The following PTPRS variants were observed in gnomAD, a reference collection of about 807,000 sequenced individuals.
The protein encoded by PTPRS is receptor-type tyrosine-protein phosphatase S.
PTPRS carries 63 observed loss-of-function variants against 215.3 expected under a neutral mutation model. That is an observed-to-expected ratio of 0.29 (90% CI 0.24 to 0.36). The LOEUF is 0.36. Among genes scored for constraint, PTPRS ranks in the 10% least tolerant of loss-of-function variants. The probability of loss-of-function intolerance (pLI) is 1.00; values close to 1 mark genes in which losing one functional copy is unlikely to be tolerated. For missense variants in PTPRS, 2,258 were observed against 2,825.8 expected (o/e 0.80, Z 4.56); for synonymous variants, 1,404 against 1,191.4 (o/e 1.18, Z -3.68).
At chr19:5,318,678 G>A (rs1393404172) in intron 1 of PTPRS, among the ~76,000 whole-genome samples, 1 of 152,038 alleles carries the variant, frequency 6.6e-6, no homozygotes, top group Non-Finnish European at 1.5e-5. Context: ...TGAAAGACAG[G>A]GTCTCGCTCT....
chr19:5,224,954 G>A lies in PTPRS; in HGVS notation c.2494+773C>T, dbSNP rs1398504621. 2.6e-5 allele frequency among the ~76,000 whole-genome samples: 4 copies of A among 152,104 alleles called. 1 individual carries two copies. ...ACTGGGATGAAGGCCACAGAAGTCA[G>A]TCGATTGTTCCTGAAACACCCGAGC... On this transcript the variant is annotated intron_variant, in intron 17 of 37. Coordinates refer to ENST00000262963, the MANE Select transcript of PTPRS (RefSeq NM_002850.4).
chr19:5,215,887 A>G (rs1422756693), intron 26 of PTPRS, among the ~76,000 whole-genome samples: 3 of 152,048 alleles, frequency 2.0e-5, no homozygotes, highest in Non-Finnish European at 4.4e-5. Context: ...TTTCCTTCCA[A>G]CCAAGCTGGG....
At chr19:5,207,815 C>G in intron 37 of PTPRS, 107 bp downstream of exon 37, 1 of 1,504,292 alleles carries the variant, frequency 6.6e-7, no homozygotes, top group Non-Finnish European at 9.0e-7. Context: ...CCACAGTGAC[C>G]CAGAGAGTCC....
rs201545244 is a variant in PTPRS at position 5,222,216 on chromosome 19, C to A, written c.3108G>T (p.Ser1036=). The change falls in exon 19 of 38, where the codon TCG becomes TCT. Residue 1036 remains serine, a synonymous_variant. Coordinates refer to ENST00000262963, the MANE Select transcript of PTPRS (RefSeq NM_002850.4). ...RYRTFLRDQV[S]PKNFKVKMIM... The stretch of plus-strand genomic sequence containing the variant: ...TCATTTTCACCTTGAAGTTCTTGGG[C>A]GAGACTGCCGGGGAGGCGGCCGAGC... 8 of 1,613,354 alleles carry A rather than the reference C, an allele frequency of 5.0e-6. No individual in the cohort carries two copies. The African/African-American group carries it at 9.3e-5, about 19-fold the overall frequency.
At chr19:5,326,794 G>T (rs1254412196) in intron 1 of PTPRS, among the ~76,000 whole-genome samples, 1 of 11,976 alleles carries the variant, frequency 8.4e-5, no homozygotes, top group African/African-American at 2.7e-3. Flanking sequence ...AAGGAAGGAG[G>T]GAGGGAGGGA....
At chr19:5,302,681 T>C (rs2049338430) in intron 1 of PTPRS, among the ~76,000 whole-genome samples, 1 of 152,100 alleles carries the variant, frequency 6.6e-6, no homozygotes, top group Non-Finnish European at 1.5e-5. Context: ...ATTGCTGGTG[T>C]GTGCAGCTCT....
chr19:5,292,777 C>A (rs2048931784), intron 1 of PTPRS: 1 of 152,334 alleles, frequency 6.6e-6, no homozygotes, highest in Non-Finnish European at 1.5e-5. Flanking sequence ...CTGCGAAGTC[C>A]CCAGTCACAG....
Position 5,244,567 on chromosome 19 carries a change from C to T in PTPRS, c.989-85G>A. ...TGTGTGACTTTTCACCATTCAGTCG[C>T]CTTCTCTGAGCCTTGATTTGCCCAG... On this transcript the variant is annotated intron_variant, in intron 10 of 37. Transcript: ENST00000262963. This position sits in a 1 kb window ranked among gnomAD's most constrained non-coding sequence, Gnocchi z 7.2. The T allele has an allele frequency of 1.8e-6, 2 of 1,130,078 alleles. No homozygotes were observed. The highest frequency in any genetic ancestry group is 1.3e-6 in the Non-Finnish European group (1 of 791,014). The allele number at this position is 1,130,078 out of a possible 1,614,324, so 70.0% of individuals were successfully genotyped here. A position where few individuals can be genotyped will look rare whatever the true frequency, so the allele number is the denominator to read the frequency against.
chr19:5,240,203 C>A lies in PTPRS; in HGVS notation c.1700G>T (p.Arg567Leu). The A allele has an allele frequency of 6.5e-7, 1 of 1,542,596 alleles. No homozygotes were observed. The highest frequency in any genetic ancestry group is 8.7e-7 in the Non-Finnish European group (1 of 1,143,638). Residue 567 changes from arginine (R) to leucine (L), a missense_variant, in exon 12 of 38, where the codon CGG (arginine) becomes CTG (leucine). Around this residue, in one of 6 missense-constraint regions of PTPRS, gnomAD observed 371 missense variants for 446.7 expected, o/e 0.83. Transcript: ENST00000262963. ...CCCGTCCCCGCGCTGCCTCACCTCC[C>A]GGCCATGGTCGCCTTCCCGGAAGAG... ...ELLFREGDHG[R>L]EVGRTFDPTT...
At chr19:5,229,168 G>C (rs2042781482) in intron 16 of PTPRS, 148 bp downstream of exon 16, 1 of 928,902 alleles carries the variant, frequency 1.1e-6, no homozygotes, top group Non-Finnish European at 1.4e-6. Flanking sequence ...GGCGCTCCAA[G>C]AGGTAATGGG....
intron 11 of PTPRS, 137 bp downstream of exon 11, chr19:5,243,764 A>T (rs1456845131): frequency 5.7e-6 from 5 of 869,782 alleles, no homozygotes; most frequent in Non-Finnish European, 8.2e-6. Context: ...AAACCACCAC[A>T]CCCGGCCTAA....
chr19:5,222,852 C>T lies in PTPRS; in HGVS notation c.2940G>A (p.Glu980=), dbSNP rs1232851678. The change falls in exon 18 of 38, where the codon GAG becomes GAA. Residue 980 remains glutamate, a synonymous_variant. Transcript: ENST00000262963. ...GCTCAGCCGCTGCCGGCAGCTCAGT[C>T]TCTCGGGCAGGGCCCAGGGCACCGG... ...REAGALGPAR[E]TELPAAAEPG... The T allele has an allele frequency of 6.3e-7, 1 of 1,592,546 alleles. No homozygotes were observed. Among genetic ancestry groups the T allele is most frequent in the Admixed American group, 1.7e-5 (1 of 59,536 alleles).
chr19:5,260,432 G>A (rs1339468190), intron 7 of PTPRS, among the ~76,000 whole-genome samples: 3 of 152,030 alleles, frequency 2.0e-5, no homozygotes, highest in African/African-American at 7.2e-5. Context: ...CACCTGCCTC[G>A]GCCTCCCACA....
chr19:5,231,162 A>G (rs1446328147), intron 14 of PTPRS, 148 bp downstream of exon 14: 1 of 853,552 alleles, frequency 1.2e-6, no homozygotes, highest in South Asian at 1.8e-5. Flanking sequence ...GGAGCCCCGG[A>G]TTTCTCGGGG....
chr19:5,245,280 G>A (rs557644796), intron 10 of PTPRS, among the ~76,000 whole-genome samples: 10 of 151,560 alleles, frequency 6.6e-5, no homozygotes, highest in Admixed American at 2.0e-4. Context: ...GTGAGCCACC[G>A]CGCCTGGCCC....
intron 4 of PTPRS, among the ~76,000 whole-genome samples, chr19:5,265,999 C>G (rs2046371733): frequency 6.6e-6 from 1 of 152,090 alleles, no homozygotes; most frequent in Non-Finnish European, 1.5e-5. Flanking sequence ...GTGGCTCATG[C>G]CTGTAATCCC....
intron 28 of PTPRS, among the ~76,000 whole-genome samples, 169 bp downstream of exon 28, chr19:5,215,120 G>A (rs2041301741): frequency 2.6e-5 from 4 of 152,262 alleles, no homozygotes; most frequent in Admixed American, 1.3e-4. Flanking sequence ...ATGTTAGAGA[G>A]AGCAGCCATC....
intron 11 of PTPRS, among the ~76,000 whole-genome samples, chr19:5,240,702 G>A (rs10421774): frequency 0.05 from 7,592 of 151,212 alleles, 664 homozygotes; most frequent in African/African-American, 0.17. Flanking sequence ...AGCCGGGCGC[G>A]GTGGCGGGCA....
At chr19:5,292,318 A>G (rs371172851) in intron 1 of PTPRS, among the ~76,000 whole-genome samples, 15 of 152,294 alleles carry the variant, frequency 9.8e-5, no homozygotes, top group African/African-American at 3.4e-4. Flanking sequence ...GGAGACCGAG[A>G]CGGGGACAGC....
Sources: gnomAD v4.1 joint callset for allele counts (sites outside exome capture counted in the v4.1 genomes callset) on GRCh38, gnomAD v4.1.1 for gene constraint, gnomAD v4.1.1 regional missense constraint, Gnocchi (gnomAD v3.1) non-coding constraint, MANE v1.5 for transcripts, NCBI Gene and HGNC (gene_info 2026-07-23, HGNC 2026-07-21) for gene names.